Variants in P2RX7 observed in about 807,000 individuals in gnomAD.
P2RX7 encodes the protein P2X purinoceptor 7.
P2RX7 carries 62 observed loss-of-function variants against 71.6 expected under a neutral mutation model. The ratio of observed to expected loss-of-function variants is 0.87; its 90% CI spans 0.71 to 1.07. The LOEUF is 1.07. Among genes scored for constraint, P2RX7 ranks in the 50% least tolerant of loss-of-function variants. P2RX7 has a pLI of 0.00. For missense variants in P2RX7, 686 were observed against 748.5 expected, an observed-to-expected ratio of 0.92 and a Z score of 0.97; for synonymous variants, 299 against 283.3, an observed-to-expected ratio of 1.06 and a Z score of -0.56.
Position 121,167,508 on chromosome 12 carries a change from G to A in P2RX7, c.765G>A (p.Glu255=). Residue 255 remains glutamate (E), a synonymous_variant, in exon 8 of 13, where the codon GAG becomes GAA. Coordinates refer to ENST00000328963, the MANE Select transcript of P2RX7 (RefSeq NM_002562.6). The part of the protein sequence containing the change: ...VAIQGGIMGI[E]IYWDCNLDRW... Reference sequence around the variant, plus strand: ...TTCAGGGCGGAATAATGGGCATTGAGATCTACTGGGACTGCAACCTAGACC... The same window carrying A: ...TTCAGGGCGGAATAATGGGCATTGAAATCTACTGGGACTGCAACCTAGACC... 1.2e-6 allele frequency: 2 copies of A among 1,613,988 alleles called. No individual in the cohort carries two copies. Among genetic ancestry groups the A allele is most frequent in the South Asian group, 2.2e-5 (2 of 91,066 alleles).
intron 1 of P2RX7, 137 bp downstream of exon 1, chr12:121,133,232 G>A (rs902150266): frequency 2.4e-5 from 24 of 993,928 alleles, no homozygotes; most frequent in Non-Finnish European, 2.9e-5. Flanking sequence ...CCAGCTGGGC[G>A]GGAGGGAGGA....
chr12:121,159,353 G>T (rs1333829822), intron 3 of P2RX7, among the ~76,000 whole-genome samples: 1 of 141,414 alleles, frequency 7.1e-6, no homozygotes, highest in Non-Finnish European at 1.5e-5. Context: ...GGAGGTGGAG[G>T]TTACAGTGAG....
At chr12:121,145,370 C>T (rs1011532708) in intron 1 of P2RX7, among the ~76,000 whole-genome samples, 3 of 152,082 alleles carry the variant, frequency 2.0e-5, no homozygotes, top group African/African-American at 7.2e-5. Flanking sequence ...GATTTAGTGA[C>T]AACGACATTG....
intron 9 of P2RX7, 51 bp downstream of exon 9, chr12:121,175,529 A>G (rs745349791): frequency 1.2e-6 from 1 of 837,764 alleles, no homozygotes; most frequent in Non-Finnish European, 2.1e-6. Flanking sequence ...ACTGTGTCCT[A>G]ATTACTGCTG....
At chr12:121,180,328 TA>T in intron 11 of P2RX7, 25 bp from the exon 12 acceptor site, 1 of 1,379,884 alleles carries the variant, frequency 7.2e-7, no homozygotes, top group Non-Finnish European at 1.0e-6. Flanking sequence ...CAAAAATGGG[TA>T]AACTTTCAAA....
At chr12:121,151,254 T>C (rs1398796020) in intron 1 of P2RX7, among the ~76,000 whole-genome samples, 4 of 152,032 alleles carry the variant, frequency 2.6e-5, no homozygotes, top group African/African-American at 9.7e-5. Flanking sequence ...CCTTTTTTTT[T>C]TTTTTCTTTT....
At chr12:121,159,598 C>A (rs936103552) in intron 3 of P2RX7, among the ~76,000 whole-genome samples, 4 of 152,090 alleles carry the variant, frequency 2.6e-5, no homozygotes, top group African/African-American at 7.2e-5. Context: ...GCACAGATGA[C>A]AAAGAGCAGA....
At position 121,149,282 on chromosome 12, in the gene P2RX7, C is replaced by G. The variant is rs985989434; in HGVS notation, c.126-5503C>G. 6.6e-6 allele frequency among the ~76,000 whole-genome samples: 1 copy of G among 152,190 alleles called. No individual in the cohort carries two copies. The highest frequency in any genetic ancestry group is 2.4e-5 in the African/African-American group (1 of 41,432). Reference sequence around the variant, plus strand: ...CTTATTTCCCTGCCACTCCAGGGCTCCTCCTCAGCCAGACTTGCCTGTGAG... The same window carrying G: ...CTTATTTCCCTGCCACTCCAGGGCTGCTCCTCAGCCAGACTTGCCTGTGAG... On this transcript the variant is annotated intron_variant, in intron 1 of 12. Coordinates refer to ENST00000328963, the MANE Select transcript of P2RX7 (RefSeq NM_002562.6). This position sits in a 1 kb window ranked among gnomAD's most constrained non-coding sequence, Gnocchi z 4.7.
chr12:121,141,472 G>A (rs747631827), intron 1 of P2RX7, among the ~76,000 whole-genome samples: 1 of 152,214 alleles, frequency 6.6e-6, no homozygotes, highest in Non-Finnish European at 1.5e-5. Flanking sequence ...CCGGTACAGT[G>A]GCAGAGAAGG....
chr12:121,156,259 T>C (rs1010999275), intron 3 of P2RX7, 112 bp downstream of exon 3: 8 of 806,412 alleles, frequency 9.9e-6, no homozygotes, highest in Non-Finnish European at 1.7e-5. Flanking sequence ...CACAGATATC[T>C]ACTGAGCACC....
intron 8 of P2RX7, among the ~76,000 whole-genome samples, chr12:121,171,631 C>G (rs1451062869): frequency 6.6e-6 from 1 of 151,982 alleles, no homozygotes; most frequent in Non-Finnish European, 1.5e-5. Flanking sequence ...GATACTTGAA[C>G]ATATCTTATT....
Position 121,184,487 on chromosome 12 carries a change from C to T in P2RX7, c.1473C>T (p.His491=). ...TCCCATCTCAACTCCCTGAGAGCCA[C>T]AGGTGCCTGGAGGAGCTGTGCTGCC... The part of the protein sequence containing the change: ...SCLPSQLPES[H]RCLEELCCRK... The change falls in exon 13 of 13, where the codon CAC becomes CAT. Residue 491 remains histidine (H), a synonymous_variant. Transcript: ENST00000328963. 1 of 1,614,188 alleles carries T rather than the reference C, an allele frequency of 6.2e-7. No homozygotes were observed.
At chr12:121,159,252 A>C (rs1879158095) in intron 3 of P2RX7, among the ~76,000 whole-genome samples, 1 of 151,948 alleles carries the variant, frequency 6.6e-6, no homozygotes, top group Non-Finnish European at 1.5e-5. Context: ...CACCGTCTCT[A>C]CTAAAAATAC....
chr12:121,173,527 C>T (rs1424154826), intron 8 of P2RX7, among the ~76,000 whole-genome samples: 1 of 152,110 alleles, frequency 6.6e-6, no homozygotes, highest in African/African-American at 2.4e-5. Flanking sequence ...GATGGGGCCA[C>T]ACCACACCAT....
At chr12:121,167,827 T>A (rs1346521579) in intron 8 of P2RX7, among the ~76,000 whole-genome samples, 1 of 151,566 alleles carries the variant, frequency 6.6e-6, no homozygotes, top group East Asian at 1.9e-4. Context: ...ATTTTTTTTT[T>A]TTTGAAATGG....
intron 11 of P2RX7, among the ~76,000 whole-genome samples, chr12:121,177,810 C>T (rs1010555727): frequency 1.3e-5 from 2 of 151,778 alleles, no homozygotes; most frequent in Non-Finnish European, 2.9e-5. Flanking sequence ...CCTCTGCCTC[C>T]CAGGTTTAAG....
rs1466135194 is a variant in P2RX7 at position 121,149,227 on chromosome 12, G to A, written c.126-5558G>A. ...GTGGGTCCAGAGCAAGCAGCCTCAG[G>A]GTCCCATGGGCCCAACCTCACCCTC... On this transcript the variant is annotated intron_variant, in intron 1 of 12. Transcript: ENST00000328963. This position sits in a 1 kb window ranked among gnomAD's most constrained non-coding sequence, Gnocchi z 4.7. 8 of 325,074 alleles carry A rather than the reference G, an allele frequency of 2.5e-5. No homozygotes were observed. Among genetic ancestry groups the A allele is most frequent in the Non-Finnish European group, 4.3e-5 (7 of 164,452 alleles). 20.1% of individuals were successfully genotyped at this position (325,074 alleles called of 1,614,324 possible).
intron 1 of P2RX7, among the ~76,000 whole-genome samples, chr12:121,134,694 TTGTC>T (rs1241525904): frequency 6.6e-6 from 1 of 152,106 alleles, no homozygotes; most frequent in Non-Finnish European, 1.5e-5. Flanking sequence ...GCCCGGCTGA[TTGTC>T]TGTCTTTTTT....
At chr12:121,176,291 T>C (rs1813972863) in intron 9 of P2RX7, among the ~76,000 whole-genome samples, 1 of 144,030 alleles carries the variant, frequency 6.9e-6, no homozygotes, top group African/African-American at 2.6e-5. Context: ...GAAAAGAAAA[T>C]TGGAGTGTTG....
Sources: allele counts gnomAD v4.1 joint callset (sites outside exome capture counted in the v4.1 genomes callset), GRCh38; gene constraint gnomAD v4.1.1; non-coding constraint Gnocchi (gnomAD v3.1); transcripts MANE v1.5; gene names NCBI Gene and HGNC (gene_info 2026-07-23, HGNC 2026-07-21).